The following NUMB variants were observed in gnomAD, a reference collection of about 807,000 sequenced individuals.
NUMB encodes NUMB endocytic adaptor protein, also known as protein numb homolog.
A neutral mutation model predicts 59.7 loss-of-function variants in NUMB; 29 were observed. That is an observed-to-expected ratio of 0.49 (90% CI 0.36 to 0.66). The LOEUF is 0.66. Among genes scored for constraint, NUMB ranks in the 30% least tolerant of loss-of-function variants. The pLI is 0.00. For synonymous variants in NUMB, 288 were observed against 288.2 expected, an observed-to-expected ratio of 1.00 and a Z score of 0.01; for missense variants, 723 against 822.0, an observed-to-expected ratio of 0.88 and a Z score of 1.47.
Position 73,309,747 on chromosome 14 carries a change from TAATAATAATAAA to T in NUMB, c.234+6631_234+6642del, listed in dbSNP as rs1239312919. Among the ~76,000 whole-genome samples, 291 of 144,752 alleles carry T rather than the reference TAATAATAATAAA, an allele frequency of 2.0e-3. 2 individuals carry two copies. The highest frequency in any genetic ancestry group is 6.7e-3 in the African/African-American group (259 of 38,498). The allele number at this position is 144,752 out of a possible 152,430, so 95.0% of individuals were successfully genotyped here. On this transcript the variant is annotated intron_variant, in intron 6 of 12. Coordinates refer to ENST00000555238, the MANE Select transcript of NUMB (RefSeq NM_001005743.2). The stretch of plus-strand genomic sequence containing the variant: ...ATAATAATAATAATAATAATAATAA[TAATAATAATAAA>T]AATAGGATCCAGAATGAAGATAAGC...
chr14:73,418,601 G>A (rs1423533325), intron 1 of NUMB, among the ~76,000 whole-genome samples: 2 of 151,750 alleles, frequency 1.3e-5, no homozygotes, highest in Non-Finnish European at 2.9e-5. Flanking sequence ...GAGAAACCCC[G>A]TCTCTACTAA....
At chr14:73,353,072 G>GTTGTTTTTTTTTTT (rs1893522798) in intron 4 of NUMB, among the ~76,000 whole-genome samples, 5 of 58,514 alleles carry the variant, frequency 8.5e-5, no homozygotes, top group Non-Finnish European at 3.3e-5. Context: ...AGTTTTTCTT[G>GTTGTTTTTTTTTTT]TTTTTTTTTT....
rs191543198 is a variant in NUMB at position 73,299,528 on chromosome 14, T to C, written c.235-2243A>G. On this transcript the variant is annotated intron_variant, in intron 6 of 12. Coordinates refer to ENST00000555238, the MANE Select transcript of NUMB (RefSeq NM_001005743.2). ...ACGAGTGAATTCTTAAAATAGATAATATGTATATATATGTCATATATGTAT... is the reference window on the plus strand; with the variant it reads ...ACGAGTGAATTCTTAAAATAGATAACATGTATATATATGTCATATATGTAT... Among the ~76,000 whole-genome samples the C allele has an allele frequency of 2.6e-3, 367 of 141,490 alleles. 1 individual carries two copies. The highest frequency in any genetic ancestry group is 9.9e-3 in the African/African-American group (361 of 36,404). 92.8% of individuals were successfully genotyped at this position (141,490 alleles called of 152,430 possible). A position where few individuals can be genotyped will look rare whatever the true frequency, so the allele number is the denominator to read the frequency against.
In NUMB at chr14:73,308,015, G is replaced by A. The variant is rs549660216; in HGVS notation, c.234+8375C>T. Among the ~76,000 whole-genome samples the A allele has an allele frequency of 1.1e-4, 16 of 151,790 alleles. No individual in the cohort carries two copies. The South Asian group carries it at 2.9e-3, about 28-fold the overall frequency. On this transcript the variant is annotated intron_variant, in intron 6 of 12. Coordinates refer to ENST00000555238, the MANE Select transcript of NUMB (RefSeq NM_001005743.2). ...CCCAACGTGCTGGGATTACAGGCGTGAGCCACCGCGCCCGGCCGGGCCTCT... is the reference window on the plus strand; with the variant it reads ...CCCAACGTGCTGGGATTACAGGCGTAAGCCACCGCGCCCGGCCGGGCCTCT...
chr14:73,308,456 C>T (rs898227374), intron 6 of NUMB, among the ~76,000 whole-genome samples: 1 of 152,168 alleles, frequency 6.6e-6, no homozygotes, highest in Non-Finnish European at 1.5e-5. Context: ...GATATTGACA[C>T]CTATCTACCA....
At chr14:73,354,742 C>T (rs962024230) in intron 4 of NUMB, among the ~76,000 whole-genome samples, 4 of 139,056 alleles carry the variant, frequency 2.9e-5, no homozygotes, top group East Asian at 2.3e-4. Flanking sequence ...GCAAGAGAAT[C>T]GCTTGAACCC....
chr14:73,438,497 G>A (rs1882785185), intron 1 of NUMB, among the ~76,000 whole-genome samples: 1 of 151,960 alleles, frequency 6.6e-6, no homozygotes, highest in South Asian at 2.1e-4. Context: ...CAGGTGTGCT[G>A]ACGCACATCT....
intron 2 of NUMB, among the ~76,000 whole-genome samples, chr14:73,394,733 T>C (rs1025610176): frequency 3.3e-5 from 5 of 152,222 alleles, no homozygotes; most frequent in African/African-American, 1.2e-4. Context: ...CCAGACTGTT[T>C]CTGAATTTGA....
intron 3 of NUMB, among the ~76,000 whole-genome samples, chr14:73,361,752 G>A (rs1894106611): frequency 6.6e-6 from 1 of 152,020 alleles, no homozygotes; most frequent in Admixed American, 6.6e-5. Flanking sequence ...GAAGAGCCAG[G>A]ATGGAAATTT....
chr14:73,455,336 T>C (rs946133718), intron 1 of NUMB, among the ~76,000 whole-genome samples: 1 of 152,156 alleles, frequency 6.6e-6, no homozygotes, highest in Non-Finnish European at 1.5e-5. Context: ...TAAAAACAGA[T>C]CTAAATCAAC....
At chr14:73,283,949 CAA>C (rs1888808705) in intron 10 of NUMB, 130 bp downstream of exon 10, 1 of 816,836 alleles carries the variant, frequency 1.2e-6, no homozygotes, top group African/African-American at 1.7e-5. Flanking sequence ...TGGGAAATGA[CAA>C]AAGATACAAC....
chr14:73,303,179 T>C (rs903541658), intron 6 of NUMB, among the ~76,000 whole-genome samples: 3 of 151,602 alleles, frequency 2.0e-5, no homozygotes, highest in South Asian at 2.1e-4. Context: ...GATCGCACCA[T>C]TGCACTCCAG....
chr14:73,399,470 G>A (rs1231737388), intron 2 of NUMB, among the ~76,000 whole-genome samples: 1 of 152,128 alleles, frequency 6.6e-6, no homozygotes, highest in African/African-American at 2.4e-5. Context: ...GGCTGAGGCA[G>A]GAGAATTGCT....
intron 6 of NUMB, among the ~76,000 whole-genome samples, chr14:73,306,048 A>G (rs1431192482): frequency 6.6e-6 from 1 of 152,258 alleles, no homozygotes; most frequent in Admixed American, 6.5e-5. Flanking sequence ...TCCAAAATCC[A>G]GTGAATATAC....
intron 6 of NUMB, among the ~76,000 whole-genome samples, chr14:73,300,118 A>C (rs1277298364): frequency 6.6e-6 from 1 of 152,178 alleles, no homozygotes; most frequent in African/African-American, 2.4e-5. Flanking sequence ...AGTGATATAC[A>C]TTTTCAACAA....
chr14:73,376,100 T>C (rs904249161), intron 2 of NUMB, among the ~76,000 whole-genome samples: 2 of 152,174 alleles, frequency 1.3e-5, no homozygotes, highest in Non-Finnish European at 2.9e-5. Context: ...ACTGGAAAGT[T>C]AGAAAGAAAA....
At chr14:73,319,044 C>A (rs1282398340) in intron 5 of NUMB, among the ~76,000 whole-genome samples, 1 of 152,086 alleles carries the variant, frequency 6.6e-6, no homozygotes, top group Non-Finnish European at 1.5e-5. Flanking sequence ...GAGGCCCAGG[C>A]TGGTGGATCA....
At chr14:73,292,222 T>C (rs1271416213) in intron 8 of NUMB, among the ~76,000 whole-genome samples, 1 of 152,070 alleles carries the variant, frequency 6.6e-6, no homozygotes, top group Non-Finnish European at 1.5e-5. Flanking sequence ...TAATTTTTTC[T>C]TTAACTTTGT....
At chr14:73,316,328 T>A in intron 6 of NUMB, 62 bp downstream of exon 6, 3 of 1,401,242 alleles carry the variant, frequency 2.1e-6, no homozygotes, top group Non-Finnish European at 1.0e-6. Context: ...AAAAAATATG[T>A]CAGTGCTACA....
Sources: gnomAD v4.1 joint callset for allele counts (sites outside exome capture counted in the v4.1 genomes callset) on GRCh38, gnomAD v4.1.1 for gene constraint, MANE v1.5 for transcripts, NCBI Gene and HGNC (gene_info 2026-07-23, HGNC 2026-07-21) for gene names.